The following KDM4C variants were observed in gnomAD, a reference collection of about 807,000 sequenced individuals.
KDM4C encodes the protein lysine demethylase 4C, also known as lysine-specific demethylase 4C.
A neutral mutation model predicts 129.3 loss-of-function variants in KDM4C; 81 were observed. That is an observed-to-expected ratio of 0.63 (90% CI 0.52 to 0.75). KDM4C has a LOEUF of 0.75. Among genes scored for constraint, KDM4C ranks in the 30% least tolerant of loss-of-function variants. The pLI, the probability that KDM4C is intolerant of heterozygous loss-of-function variation, is 0.00. For synonymous variants in KDM4C, 573 were observed against 456.1 expected, an observed-to-expected ratio of 1.26 and a Z score of -3.26; for missense variants, 1,457 against 1,304.0, an observed-to-expected ratio of 1.12 and a Z score of -1.81.
At chr9:7,042,653 C>T (rs1033140944) in intron 15 of KDM4C, among the ~76,000 whole-genome samples, 9 of 152,024 alleles carry the variant, frequency 5.9e-5, no homozygotes, top group African/African-American at 2.2e-4. Flanking sequence ...TAAGTACATA[C>T]AGGAACTTTC....
At chr9:7,059,262 A>T (rs545475275) in intron 17 of KDM4C, among the ~76,000 whole-genome samples, 1 of 151,926 alleles carries the variant, frequency 6.6e-6, no homozygotes, top group Non-Finnish European at 1.5e-5. Flanking sequence ...CGATCCTCCC[A>T]CCTCATTTTT....
intron 6 of KDM4C, among the ~76,000 whole-genome samples, chr9:6,883,769 G>A (rs1343852876): frequency 6.6e-6 from 1 of 152,136 alleles, no homozygotes; most frequent in Non-Finnish European, 1.5e-5. Context: ...CAGAGGCAGA[G>A]CCAGAAGAAT....
intron 8 of KDM4C, among the ~76,000 whole-genome samples, chr9:6,919,164 T>C (rs768304201): frequency 1.3e-5 from 2 of 152,156 alleles, no homozygotes; most frequent in African/African-American, 2.4e-5. Flanking sequence ...TCACTTTTCA[T>C]TGGGGTTGTT....
At chr9:6,835,204 A>C in intron 4 of KDM4C, 2 of 917,828 alleles carry the variant, frequency 2.2e-6, no homozygotes, top group East Asian at 4.8e-5. Flanking sequence ...CACCATCGGC[A>C]ACGAGCAGTT....
At chr9:7,076,903 C>G in intron 17 of KDM4C, 1 of 987,710 alleles carries the variant, frequency 1.0e-6, no homozygotes, top group Non-Finnish European at 1.2e-6. Context: ...TCTCCTGTAG[C>G]ATGGAGGCAT....
intron 17 of KDM4C, among the ~76,000 whole-genome samples, chr9:7,056,633 G>C (rs1306287699): frequency 1.3e-5 from 2 of 152,154 alleles, no homozygotes; most frequent in South Asian, 2.1e-4. Flanking sequence ...TGAGACAAAA[G>C]GAAATTGACT....
rs146567645 is a variant in KDM4C, at chr9:7,080,289, C to T, written c.2425-23396C>T. On this transcript the variant is annotated intron_variant, in intron 17 of 21. Coordinates refer to ENST00000381309, the MANE Select transcript of KDM4C (RefSeq NM_015061.6). ...TGTTTTCTGAAATGGAGTTGACCTG[C>T]AAAGAGACCCTAGAGCCCAAATGTT... is the stretch of plus-strand genomic sequence containing the variant. Among the ~76,000 whole-genome samples, 448 of 152,290 alleles carry T rather than the reference C, an allele frequency of 2.9e-3. 1 individual carries two copies. The highest frequency in any genetic ancestry group is 5.0e-3 in the Non-Finnish European group (342 of 68,006).
intron 3 of KDM4C, among the ~76,000 whole-genome samples, chr9:6,810,438 TATTAAC>T (rs1271184414): frequency 6.6e-6 from 1 of 152,226 alleles, no homozygotes; most frequent in Non-Finnish European, 1.5e-5. Context: ...AAGATTTACT[TATTAAC>T]AGAATATACA....
intron 15 of KDM4C, among the ~76,000 whole-genome samples, chr9:7,026,661 C>T (rs1050997816): frequency 4.6e-5 from 7 of 152,018 alleles, no homozygotes; most frequent in Non-Finnish European, 5.9e-5. Context: ...ATTATTCTTC[C>T]TCTTGACCAA....
At chr9:7,026,852 G>T (rs1054281627) in intron 15 of KDM4C, among the ~76,000 whole-genome samples, 3 of 151,654 alleles carry the variant, frequency 2.0e-5, no homozygotes, top group African/African-American at 7.3e-5. Flanking sequence ...TCCTTCTTCT[G>T]CTTGATCAGT....
chr9:6,768,863 C>G (rs1408957162), intron 1 of KDM4C, among the ~76,000 whole-genome samples: 3 of 152,080 alleles, frequency 2.0e-5, no homozygotes, highest in East Asian at 1.9e-4. Flanking sequence ...ACCTCCACCT[C>G]CCGGGTTCAA....
intron 8 of KDM4C, among the ~76,000 whole-genome samples, chr9:6,942,022 ACTCTTTTAAAAAGGG>A (rs1337867144): frequency 1.3e-5 from 2 of 151,932 alleles, no homozygotes; most frequent in Non-Finnish European, 2.9e-5. Flanking sequence ...ATGATTTGAA[ACTCTTTTAAAAAGGG>A]CTCTTTTAAA....
Position 6,836,946 on chromosome 9 carries a change from A to T in KDM4C, c.436-12561A>T, listed in dbSNP as rs188766308. On this transcript the variant is annotated intron_variant, in intron 4 of 21. Coordinates refer to ENST00000381309, the MANE Select transcript of KDM4C (RefSeq NM_015061.6). ...ATGTACATGTGTAAAAGTTTCTCAA[A>T]GGTATTTACGTAGGAATGGAAATGC... Among the ~76,000 whole-genome samples the T allele has an allele frequency of 3.1e-3, 468 of 152,300 alleles. 4 individuals are homozygous for T. The highest frequency in any genetic ancestry group is 5.6e-3 in the Non-Finnish European group (380 of 68,026).
intron 19 of KDM4C, among the ~76,000 whole-genome samples, chr9:7,163,171 C>T (rs1843991878): frequency 6.6e-6 from 1 of 152,084 alleles, no homozygotes; most frequent in Non-Finnish European, 1.5e-5. Context: ...ACTTTCTTGG[C>T]TTGCAGGCAC....
At chr9:7,112,860 C>T (rs908843262) in intron 18 of KDM4C, among the ~76,000 whole-genome samples, 73 of 152,178 alleles carry the variant, frequency 4.8e-4, no homozygotes, top group South Asian at 2.1e-4. Context: ...CATAGTGTCT[C>T]TAAGATCCTG....
At chr9:7,003,777 A>C (rs1821158974) in intron 12 of KDM4C, among the ~76,000 whole-genome samples, 1 of 152,184 alleles carries the variant, frequency 6.6e-6, no homozygotes, top group African/African-American at 2.4e-5. Context: ...AGCTTTATAA[A>C]TGTTTGAAGG....
At chr9:6,999,773 A>G (rs74500788) in intron 12 of KDM4C, among the ~76,000 whole-genome samples, 6,884 of 151,602 alleles carry the variant, frequency 0.045, 332 homozygotes, top group East Asian at 0.26. Context: ...ACGAATAGGT[A>G]CATCTCCCAT....
intron 3 of KDM4C, among the ~76,000 whole-genome samples, chr9:6,808,629 C>G (rs1398575930): frequency 1.4e-5 from 2 of 147,112 alleles, no homozygotes; most frequent in Non-Finnish European, 3.0e-5. Context: ...GACCTTCCCT[C>G]CACTATTGTC....
At chr9:6,800,224 G>A (rs554277705) in intron 2 of KDM4C, among the ~76,000 whole-genome samples, 1 of 152,130 alleles carries the variant, frequency 6.6e-6, no homozygotes, top group South Asian at 2.1e-4. Flanking sequence ...AAAATTAGTC[G>A]GGTGTGGTGG....
Sources: allele counts gnomAD v4.1 joint callset (sites outside exome capture counted in the v4.1 genomes callset), GRCh38; gene constraint gnomAD v4.1.1; transcripts MANE v1.5; gene names NCBI Gene and HGNC (gene_info 2026-07-23, HGNC 2026-07-21).